SLC9A9: variants seen among roughly 807,000 people sequenced by gnomAD.
The protein encoded by SLC9A9 is sodium/hydrogen exchanger 9.
In SLC9A9, 62 loss-of-function variants were observed where a neutral mutation model predicts 77.8. The ratio of observed to expected loss-of-function variants is 0.80; its 90% CI spans 0.65 to 0.98. The LOEUF is 0.98. Among genes scored for constraint, SLC9A9 ranks in the 50% least tolerant of loss-of-function variants. SLC9A9 has a pLI of 0.00. For synonymous variants in SLC9A9, 320 were observed against 283.5 expected (o/e 1.13, Z -1.29); for missense variants, 775 against 774.9 (o/e 1.00, Z 0.00).
intron 12 of SLC9A9, among the ~76,000 whole-genome samples, chr3:143,458,205 A>G (rs1247719867): frequency 6.6e-6 from 1 of 152,080 alleles, no homozygotes; most frequent in Non-Finnish European, 1.5e-5. Context: ...ATCCTTGGAA[A>G]ATTTTCTTGC....
intron 9 of SLC9A9, chr3:143,504,117 G>T: frequency 2.1e-6 from 1 of 479,640 alleles, no homozygotes; most frequent in Non-Finnish European, 4.1e-6. Context: ...ACTTGCCATG[G>T]GTGGAATCAT....
At chr3:143,808,906 A>G (rs1226213941) in intron 2 of SLC9A9, among the ~76,000 whole-genome samples, 2 of 152,196 alleles carry the variant, frequency 1.3e-5, no homozygotes, top group African/African-American at 4.8e-5. Context: ...ATTTGAACGA[A>G]TATTTTCAAA....
At chr3:143,520,395 C>T (rs925066978) in intron 9 of SLC9A9, among the ~76,000 whole-genome samples, 1 of 152,172 alleles carries the variant, frequency 6.6e-6, no homozygotes, top group Non-Finnish European at 1.5e-5. Flanking sequence ...ACCTGCAAAC[C>T]AGGAAGAGAG....
At chr3:143,362,099 A>G (rs546468777) in intron 14 of SLC9A9, among the ~76,000 whole-genome samples, 14 of 152,264 alleles carry the variant, frequency 9.2e-5, no homozygotes, top group African/African-American at 3.1e-4. Flanking sequence ...ACCAGCAATA[A>G]CTTTCTAAGA....
intron 6 of SLC9A9, among the ~76,000 whole-genome samples, chr3:143,599,669 A>G (rs1267869382): frequency 4.6e-5 from 7 of 152,226 alleles, no homozygotes; most frequent in Admixed American, 1.3e-4. Context: ...CTTTATGAGC[A>G]ATAAGGAATC....
chr3:143,540,331 A>G, intron 9 of SLC9A9, among the ~76,000 whole-genome samples: 1 of 152,204 alleles, frequency 6.6e-6, no homozygotes, highest in South Asian at 2.1e-4. Flanking sequence ...GGTGAACAGG[A>G]TAGATGATGA....
chr3:143,658,868 T>C (rs546754985), intron 5 of SLC9A9, among the ~76,000 whole-genome samples: 3 of 152,352 alleles, frequency 2.0e-5, no homozygotes, highest in East Asian at 3.9e-4. Context: ...GGGAATGTTT[T>C]CCAGGTCTTG....
chr3:143,719,207 G>T (rs1934431708), intron 4 of SLC9A9, among the ~76,000 whole-genome samples: 1 of 152,164 alleles, frequency 6.6e-6, no homozygotes, highest in Admixed American at 6.5e-5. Context: ...GAAGGTAGTT[G>T]AGTGACTTGC....
At chr3:143,338,690 A>G (rs189303693) in intron 14 of SLC9A9, among the ~76,000 whole-genome samples, 164 of 152,308 alleles carry the variant, frequency 1.1e-3, no homozygotes, top group African/African-American at 3.8e-3. Flanking sequence ...CAAATCAATC[A>G]TCTTTATGTT....
intron 14 of SLC9A9, among the ~76,000 whole-genome samples, chr3:143,296,716 A>G (rs1201978008): frequency 6.6e-6 from 1 of 152,128 alleles, no homozygotes; most frequent in Non-Finnish European, 1.5e-5. Context: ...TCTTTTTTAT[A>G]ATAGCCATCC....
chr3:143,317,654 A>G (rs1324953474), intron 14 of SLC9A9, among the ~76,000 whole-genome samples: 1 of 41,066 alleles, frequency 2.4e-5, no homozygotes, highest in East Asian at 3.1e-4. Context: ...AAATTTCCTT[A>G]TGTATTTCTC....
intron 1 of SLC9A9, among the ~76,000 whole-genome samples, chr3:143,841,033 A>C (rs1183460533): frequency 6.6e-6 from 1 of 152,206 alleles, no homozygotes; most frequent in Admixed American, 6.5e-5. Context: ...GTTAATTAAA[A>C]AACAGCAATT....
At chr3:143,683,893 A>G (rs201169548) in intron 5 of SLC9A9, among the ~76,000 whole-genome samples, 70 of 152,230 alleles carry the variant, frequency 4.6e-4, no homozygotes, top group African/African-American at 1.6e-3. Flanking sequence ...CATTATTATC[A>G]TGAAAACAAG....
chr3:143,404,806 A>G (rs943149077), intron 12 of SLC9A9, among the ~76,000 whole-genome samples: 2 of 152,202 alleles, frequency 1.3e-5, no homozygotes, highest in Admixed American at 1.3e-4. Context: ...AATTGTTGGA[A>G]GTCTATTTTC....
rs1032213116 is a variant in SLC9A9 at position 143,636,709 on chromosome 3, G to C, written c.755+15546C>G. On this transcript the variant is annotated intron_variant, in intron 6 of 15. Coordinates refer to ENST00000316549, the MANE Select transcript of SLC9A9 (RefSeq NM_173653.4). ...CATTATTTAGCTCCCATTTATAAGT[G>C]AGAATAAACAGAAGTGCAAAGCACT... 3.3e-5 allele frequency among the ~76,000 whole-genome samples: 5 copies of C among 152,292 alleles called. No homozygotes were observed. The South Asian group carries it at 8.3e-4, about 25-fold the overall frequency.
chr3:143,299,573 A>G, intron 14 of SLC9A9, among the ~76,000 whole-genome samples: 1 of 151,828 alleles, frequency 6.6e-6, no homozygotes, highest in South Asian at 2.1e-4. Context: ...CCTCCCCAGT[A>G]GCTGGGACTA....
intron 4 of SLC9A9, among the ~76,000 whole-genome samples, chr3:143,793,176 G>T (rs1008280804): frequency 2.0e-5 from 3 of 151,974 alleles, no homozygotes; most frequent in African/African-American, 7.2e-5. Context: ...AATCAAAATA[G>T]GTTCTCAACC....
intron 1 of SLC9A9, among the ~76,000 whole-genome samples, chr3:143,840,113 G>T (rs1356852059): frequency 3.3e-5 from 5 of 152,146 alleles, no homozygotes; most frequent in Non-Finnish European, 7.4e-5. Flanking sequence ...CAGTTTACCG[G>T]GCCGCACCCA....
rs59001728 is a variant in SLC9A9 at position 143,806,737 on chromosome 3, T to TG, written c.379-9835dup. On this transcript the variant is annotated intron_variant, in intron 2 of 15. Coordinates refer to ENST00000316549, the MANE Select transcript of SLC9A9 (RefSeq NM_173653.4). ...GGCTGGGAAGGGTATTATGTGGTGG[T>TG]GGGGGGGGCAAGTGGGGATTGTGAA... Among the ~76,000 whole-genome samples the TG allele has an allele frequency of 0.015, 2,291 of 148,824 alleles. 98 individuals are homozygous for TG. The East Asian group carries it at 0.17, about 11-fold the overall frequency.
Sources: allele counts gnomAD v4.1 joint callset (sites outside exome capture counted in the v4.1 genomes callset), GRCh38; gene constraint gnomAD v4.1.1; transcripts MANE v1.5; gene names NCBI Gene and HGNC (gene_info 2026-07-23, HGNC 2026-07-21).